ACSS3: variants seen among roughly 807,000 people sequenced by gnomAD.
ACSS3 encodes acyl-CoA synthetase short chain family member 3, also known as acyl-CoA synthetase short-chain family member 3, mitochondrial.
Under a neutral mutation model 84.2 loss-of-function variants are expected in ACSS3, and 64 were observed. The observed-to-expected ratio is 0.76, with a 90% CI of 0.62 to 0.94. The LOEUF (loss-of-function observed/expected upper bound fraction) is 0.94, where lower values mean the gene tolerates loss of function less well. ACSS3 is among the 40% of genes least tolerant of loss of function. ACSS3 has a pLI of 0.00. For missense variants in ACSS3, 815 were observed against 867.6 expected, an observed-to-expected ratio of 0.94 and a Z score of 0.76; for synonymous variants, 317 against 310.1, an observed-to-expected ratio of 1.02 and a Z score of -0.23.
chr12:81,083,685 A>C (rs1450656153), intron 1 of ACSS3, among the ~76,000 whole-genome samples: 1 of 151,844 alleles, frequency 6.6e-6, no homozygotes, highest in East Asian at 2.0e-4. Flanking sequence ...AAAGAAGAAA[A>C]AATGGGCAGG....
intron 7 of ACSS3, among the ~76,000 whole-genome samples, chr12:81,170,861 G>T (rs1223166469): frequency 1.3e-5 from 2 of 152,054 alleles, no homozygotes; most frequent in Non-Finnish European, 2.9e-5. Flanking sequence ...GTGCATGCTT[G>T]TCTATGTGTG....
At chr12:81,230,608 C>T (rs566595101) in intron 11 of ACSS3, among the ~76,000 whole-genome samples, 47 of 151,656 alleles carry the variant, frequency 3.1e-4, no homozygotes, top group Non-Finnish European at 5.0e-4. Context: ...TAAGTTTTTA[C>T]ACTGGGTGCT....
chr12:81,242,814 C>A, intron 13 of ACSS3, among the ~76,000 whole-genome samples: 1 of 151,560 alleles, frequency 6.6e-6, no homozygotes, highest in East Asian at 1.9e-4. Flanking sequence ...AACAACCCTT[C>A]ATGCTAAAAC....
chr12:81,259,502 C>G lies in ACSS3; in HGVS notation c.*4580C>G. ...TTATTACAATTTGTAGTAAACTAAT[C>G]AAATGTAATATCTGACTCCCCCCAA... is the stretch of plus-strand genomic sequence containing the variant. On this transcript the variant is annotated 3_prime_UTR_variant, in exon 16 of 16. Transcript: ENST00000548058. 1.3e-6 allele frequency: 1 copy of G among 791,014 alleles called. No individual in the cohort carries two copies. The highest frequency in any genetic ancestry group is 2.1e-6 in the Non-Finnish European group (1 of 485,144). The allele number at this position is 791,014 out of a possible 1,614,324, so 49.0% of individuals were successfully genotyped here.
chr12:81,243,616 A>G (rs567312984), intron 13 of ACSS3, among the ~76,000 whole-genome samples: 3 of 152,340 alleles, frequency 2.0e-5, no homozygotes, highest in African/African-American at 4.8e-5. Context: ...ACTATACTAC[A>G]AGGCTACAGT....
intron 12 of ACSS3, among the ~76,000 whole-genome samples, chr12:81,231,432 T>C (rs536393244): frequency 6.6e-6 from 1 of 151,962 alleles, no homozygotes; most frequent in East Asian, 1.9e-4. Flanking sequence ...TAAAAATGTT[T>C]TTTGGACTTT....
chr12:81,155,788 C>A (rs752712196), intron 7 of ACSS3, among the ~76,000 whole-genome samples: 1 of 152,164 alleles, frequency 6.6e-6, no homozygotes, highest in Non-Finnish European at 1.5e-5. Flanking sequence ...TGTGCCTATA[C>A]ATTCCAGTTA....
At chr12:81,234,891 T>C (rs1220754716) in intron 13 of ACSS3, among the ~76,000 whole-genome samples, 1 of 151,346 alleles carries the variant, frequency 6.6e-6, no homozygotes, top group Non-Finnish European at 1.5e-5. Context: ...GAGAAAAAAA[T>C]ACTTTTCATT....
At chr12:81,082,042 A>G (rs866049989) in intron 1 of ACSS3, among the ~76,000 whole-genome samples, 10 of 152,210 alleles carry the variant, frequency 6.6e-5, no homozygotes, top group Non-Finnish European at 1.3e-4. Flanking sequence ...GCAGCGTGAA[A>G]GACATGCATT....
chr12:81,167,046 G>A (rs1040625090), intron 7 of ACSS3, among the ~76,000 whole-genome samples: 3 of 152,310 alleles, frequency 2.0e-5, no homozygotes, highest in Non-Finnish European at 2.9e-5. Flanking sequence ...AATGAGCTAC[G>A]AGCTGTATAC....
chr12:81,207,200 G>T (rs1295745906), intron 9 of ACSS3, among the ~76,000 whole-genome samples: 1 of 152,140 alleles, frequency 6.6e-6, no homozygotes, highest in East Asian at 1.9e-4. Context: ...CTTCACAAGA[G>T]CAAGAGTTAT....
intron 2 of ACSS3, among the ~76,000 whole-genome samples, chr12:81,127,941 C>A (rs1464365232): frequency 2.6e-5 from 4 of 152,068 alleles, no homozygotes; most frequent in African/African-American, 9.7e-5. Flanking sequence ...TATACTACCC[C>A]AAAGACTGTT....
intron 2 of ACSS3, among the ~76,000 whole-genome samples, chr12:81,122,125 G>A (rs1292754361): frequency 6.6e-6 from 1 of 151,846 alleles, no homozygotes; most frequent in Admixed American, 6.6e-5. Flanking sequence ...TAGAGATAGG[G>A]TTTCACCATG....
intron 2 of ACSS3, among the ~76,000 whole-genome samples, chr12:81,123,020 C>T (rs2121548959): frequency 6.6e-6 from 1 of 152,008 alleles, no homozygotes; most frequent in Admixed American, 6.6e-5. Flanking sequence ...GGCCACCCAA[C>T]TGCTTAACAT....
chr12:81,199,133 G>T (rs949693140), intron 8 of ACSS3, among the ~76,000 whole-genome samples: 7 of 152,126 alleles, frequency 4.6e-5, no homozygotes, highest in Non-Finnish European at 1.0e-4. Flanking sequence ...TACTTTGGAA[G>T]TACCTCACTC....
chr12:81,221,752 G>A (rs1220118879), intron 11 of ACSS3, among the ~76,000 whole-genome samples: 1 of 152,084 alleles, frequency 6.6e-6, no homozygotes, highest in Non-Finnish European at 1.5e-5. Flanking sequence ...AAGAAGGGAA[G>A]GGCTGCTAAA....
At chr12:81,251,513 T>C (rs1028710419) in intron 13 of ACSS3, among the ~76,000 whole-genome samples, 12 of 151,818 alleles carry the variant, frequency 7.9e-5, no homozygotes, top group Non-Finnish European at 1.6e-4. Context: ...TTAGTTGATA[T>C]TGCTATGAAT....
Position 81,257,535 on chromosome 12 carries a change from C to T in ACSS3, c.*2613C>T, listed in dbSNP as rs1360240109. Reference sequence around the variant, plus strand: ...TTTGGTATTTTCATAGGATTTCTTACTGTTAAGTTATTGGAAAATGAAAAT... The same window carrying T: ...TTTGGTATTTTCATAGGATTTCTTATTGTTAAGTTATTGGAAAATGAAAAT... On this transcript the variant is annotated 3_prime_UTR_variant, in exon 16 of 16. Transcript: ENST00000548058. 2 of 151,978 alleles carry T rather than the reference C, an allele frequency of 1.3e-5. No individual in the cohort carries two copies. The highest frequency in any genetic ancestry group is 2.9e-5 in the Non-Finnish European group (2 of 67,982). The allele number at this position is 151,978 out of a possible 1,614,324, so 9.4% of individuals were successfully genotyped here. A position where few individuals can be genotyped will look rare whatever the true frequency, so the allele number is the denominator to read the frequency against.
chr12:81,224,307 T>C (rs2033201047), intron 11 of ACSS3, among the ~76,000 whole-genome samples: 1 of 151,950 alleles, frequency 6.6e-6, no homozygotes, highest in African/African-American at 2.4e-5. Context: ...TCTTTTTCTA[T>C]AACTTTAGAA....
Sources: allele counts gnomAD v4.1 joint callset (sites outside exome capture counted in the v4.1 genomes callset), GRCh38; gene constraint gnomAD v4.1.1; transcripts MANE v1.5; gene names NCBI Gene and HGNC (gene_info 2026-07-23, HGNC 2026-07-21).